CAMTA1: variants seen among roughly 807,000 people sequenced by gnomAD.
CAMTA1 encodes the protein calmodulin binding transcription activator 1, also known as calmodulin-binding transcription activator 1.
A neutral mutation model predicts 170.9 loss-of-function variants in CAMTA1; 27 were observed. That is an observed-to-expected ratio of 0.16 (90% CI 0.12 to 0.22). CAMTA1 has a LOEUF of 0.22. Ranked by LOEUF, CAMTA1 falls within the 10% of genes least tolerant of loss-of-function variation. CAMTA1 has a pLI of 1.00. For missense variants in CAMTA1, 1,619 were observed against 2,217.2 expected (o/e 0.73, Z 5.42); for synonymous variants, 833 against 891.5 (o/e 0.93, Z 1.17).
intron 5 of CAMTA1, chr1:7,388,497 T>C (rs2149111261): frequency 6.6e-6 from 1 of 152,430 alleles, no homozygotes; most frequent in African/African-American, 2.4e-5. Flanking sequence ...AACGTCCCTG[T>C]GAATCGGATG....
chr1:6,997,656 C>CTT lies in CAMTA1; in HGVS notation c.235-93646_235-93645dup, dbSNP rs201500847. 1.5e-3 allele frequency among the ~76,000 whole-genome samples: 193 copies of CTT among 128,366 alleles called. 8 individuals carry two copies. The highest frequency in any genetic ancestry group is 5.8e-3 in the African/African-American group (175 of 30,368). 84.2% of individuals were successfully genotyped at this position (128,366 alleles called of 152,430 possible). A position where few individuals can be genotyped will look rare whatever the true frequency, so the allele number is the denominator to read the frequency against. On this transcript the variant is annotated intron_variant, in intron 3 of 22. Coordinates refer to ENST00000303635, the MANE Select transcript of CAMTA1 (RefSeq NM_015215.4). ...CTGTTTTCCATATTTCCTTTCTTTT[C>CTT]TTTCTTTTTTTTTTTTTTTTTGAGA...
At chr1:7,684,257 G>C (rs1007949255) in intron 11 of CAMTA1, among the ~76,000 whole-genome samples, 2 of 152,232 alleles carry the variant, frequency 1.3e-5, no homozygotes, top group African/African-American at 2.4e-5. Context: ...GCAGATGCAG[G>C]CTCCTCTCCC....
intron 6 of CAMTA1, among the ~76,000 whole-genome samples, chr1:7,493,307 G>T (rs1330927430): frequency 1.4e-5 from 1 of 73,426 alleles, no homozygotes; most frequent in African/African-American, 9.7e-5. Flanking sequence ...ACATACAAAT[G>T]CGCACACAAA....
chr1:6,989,721 G>A (rs1572259247), intron 3 of CAMTA1, among the ~76,000 whole-genome samples: 1 of 152,204 alleles, frequency 6.6e-6, no homozygotes, highest in African/African-American at 2.4e-5. Flanking sequence ...CTCGGGAAGA[G>A]TTTAACTTTG....
intron 6 of CAMTA1, among the ~76,000 whole-genome samples, chr1:7,498,461 CAG>C (rs754452471): frequency 9.7e-5 from 14 of 143,798 alleles, no homozygotes; most frequent in East Asian, 8.6e-4. Context: ...ATGTGCATGA[CAG>C]TGTGTGTGGA....
At chr1:6,975,073 ATC>A (rs958619138) in intron 3 of CAMTA1, among the ~76,000 whole-genome samples, 11 of 152,170 alleles carry the variant, frequency 7.2e-5, no homozygotes, top group African/African-American at 2.4e-4. Flanking sequence ...AGGAGGCGCC[ATC>A]TCTGTTTTCT....
intron 5 of CAMTA1, among the ~76,000 whole-genome samples, chr1:7,304,843 C>A (rs985628446): frequency 5.3e-5 from 8 of 151,504 alleles, no homozygotes; most frequent in Non-Finnish European, 1.2e-4. Flanking sequence ...AATATTTTTT[C>A]TAGACATTTA....
chr1:7,572,495 C>T (rs2095136978), intron 6 of CAMTA1, among the ~76,000 whole-genome samples: 1 of 152,174 alleles, frequency 6.6e-6, no homozygotes, highest in Non-Finnish European at 1.5e-5. Flanking sequence ...AGTCTTTAAT[C>T]CATCTTGAGT....
chr1:7,457,445 G>A (rs2092984664), intron 5 of CAMTA1, among the ~76,000 whole-genome samples: 1 of 152,030 alleles, frequency 6.6e-6, no homozygotes, highest in Non-Finnish European at 1.5e-5. Context: ...TGGGGGCAGA[G>A]GCACGGGTGC....
At position 7,374,275 on chromosome 1, in the gene CAMTA1, A is replaced by C. The variant is rs933099060; in HGVS notation, c.439-93555A>C. On this transcript the variant is annotated intron_variant, in intron 5 of 22. Transcript: ENST00000303635. The stretch of plus-strand genomic sequence containing the variant: ...CTCAGGGATGGGCAAAGTTGTGAGC[A>C]TGTATGCATGCCTGCTCTTGTTTTC... Among the ~76,000 whole-genome samples the C allele has an allele frequency of 2.0e-5, 3 of 152,264 alleles. No individual in the cohort carries two copies. The South Asian group carries it at 6.2e-4, about 31-fold the overall frequency.
rs927125657 is a variant in CAMTA1, at chr1:7,633,190, G to T, written c.511-7210G>T. Among the ~76,000 whole-genome samples the T allele has an allele frequency of 6.6e-6, 1 of 152,230 alleles. No individual in the cohort carries two copies. The highest frequency in any genetic ancestry group is 2.4e-5 in the African/African-American group (1 of 41,470). ...TGGGTGAAAGGTGCCATCTAGAAAA[G>T]GTTCTCAAAGAGATTGACTCTACCT... On this transcript the variant is annotated intron_variant, in intron 6 of 22. Coordinates refer to ENST00000303635, the MANE Select transcript of CAMTA1 (RefSeq NM_015215.4). The surrounding 1 kb of genome is among the most constrained non-coding windows in gnomAD (Gnocchi z 4.1).
chr1:7,321,609 G>A (rs1678431931), intron 5 of CAMTA1, among the ~76,000 whole-genome samples: 1 of 152,158 alleles, frequency 6.6e-6, no homozygotes, highest in East Asian at 1.9e-4. Context: ...CCCTTCTTCT[G>A]CAAGCTGTCA....
rs1397252714 is a variant in CAMTA1, at chr1:7,117,840, C to T, written c.302+26469C>T. ...TGGCGGACTCTCTCGCTTCTTCCAG[C>T]CAATTCCCGTTCTGCTGTGGTCATC... On this transcript the variant is annotated intron_variant, in intron 4 of 22. Transcript: ENST00000303635. 2.0e-5 allele frequency among the ~76,000 whole-genome samples: 3 copies of T among 152,342 alleles called. No individual in the cohort carries two copies. The East Asian group carries it at 5.8e-4, about 29-fold the overall frequency.
intron 6 of CAMTA1, among the ~76,000 whole-genome samples, chr1:7,559,275 C>T (rs1383981823): frequency 4.6e-5 from 7 of 152,180 alleles, no homozygotes; most frequent in Non-Finnish European, 7.4e-5. Flanking sequence ...CCAGAAGCCC[C>T]GTCCTTCTCA....
intron 7 of CAMTA1, among the ~76,000 whole-genome samples, chr1:7,660,151 T>G (rs190439295): frequency 8.4e-4 from 128 of 152,350 alleles, no homozygotes; most frequent in African/African-American, 3.0e-3. Flanking sequence ...CTCGGCTCAC[T>G]GCAACCTCTG....
chr1:7,147,733 T>G (rs1454767281), intron 4 of CAMTA1, among the ~76,000 whole-genome samples: 1 of 85,964 alleles, frequency 1.2e-5, no homozygotes, highest in Non-Finnish European at 2.5e-5. Flanking sequence ...ACACACACAC[T>G]CATACACCAT....
intron 4 of CAMTA1, among the ~76,000 whole-genome samples, chr1:7,242,701 G>A (rs549589283): frequency 6.6e-6 from 1 of 151,948 alleles, no homozygotes; most frequent in Admixed American, 6.5e-5. Flanking sequence ...GGGTGAGGCA[G>A]GCAGATCACA....
chr1:7,078,544 G>A (rs1019445590), intron 3 of CAMTA1, among the ~76,000 whole-genome samples: 1 of 152,094 alleles, frequency 6.6e-6, no homozygotes, highest in Non-Finnish European at 1.5e-5. Context: ...TCTTTAGGCT[G>A]GCTATGTCCT....
At chr1:7,056,358 C>T (rs1707319666) in intron 3 of CAMTA1, among the ~76,000 whole-genome samples, 1 of 152,104 alleles carries the variant, frequency 6.6e-6, no homozygotes, top group Non-Finnish European at 1.5e-5. Context: ...CTGAACCTGC[C>T]ACGAGAAGAT....
Sources: gnomAD v4.1 joint callset for allele counts (sites outside exome capture counted in the v4.1 genomes callset) on GRCh38, gnomAD v4.1.1 for gene constraint, Gnocchi (gnomAD v3.1) non-coding constraint, MANE v1.5 for transcripts, NCBI Gene and HGNC (gene_info 2026-07-23, HGNC 2026-07-21) for gene names.